The following MAGI2 variants were observed in gnomAD, a reference collection of about 807,000 sequenced individuals.
The protein encoded by MAGI2 is membrane associated guanylate kinase, WW and PDZ domain containing 2.
A neutral mutation model predicts 133.3 loss-of-function variants in MAGI2; 35 were observed. The ratio of observed to expected loss-of-function variants is 0.26; its 90% CI spans 0.20 to 0.35. The LOEUF is 0.35. Among genes scored for constraint, MAGI2 ranks in the 10% least tolerant of loss-of-function variants. The pLI is 1.00. For synonymous variants in MAGI2, 729 were observed against 710.6 expected (o/e 1.03, Z -0.41); for missense variants, 1,636 against 1,863.4 (o/e 0.88, Z 2.25).
rs749492383 is a variant in MAGI2 at position 78,501,763 on chromosome 7, C to G, written c.779G>C (p.Ser260Thr). 1.2e-6 allele frequency: 2 copies of G among 1,613,782 alleles called. No homozygotes were observed. The highest frequency in any genetic ancestry group is 4.5e-5 in the East Asian group (2 of 44,866). Reference protein sequence around the residue: ...TPESSEHEDKSAGASGEMPSQ... With the variant: ...TPESSEHEDKTAGASGEMPSQ... ...GGGCATCTCCCCTGAGGCACCTGCA[C>G]TTTTGTCTTCATGTTCACTGGATTC... is the stretch of plus-strand genomic sequence containing the variant. Residue 260 changes from serine to threonine, a missense_variant, in exon 5 of 22, where the codon AGT (serine) becomes ACT (threonine). This residue lies in a region of MAGI2 where 165 missense variants were observed against 128.4 expected (regional missense o/e 1.28). Transcript: ENST00000354212.
chr7:79,330,174 C>A (rs1452135048), intron 1 of MAGI2, among the ~76,000 whole-genome samples: 1 of 122,034 alleles, frequency 8.2e-6, no homozygotes, highest in Non-Finnish European at 1.6e-5. Flanking sequence ...AACAAACAAT[C>A]TGCATCTTTT....
At chr7:78,478,796 A>G (rs1207276087) in intron 6 of MAGI2, among the ~76,000 whole-genome samples, 2 of 151,948 alleles carry the variant, frequency 1.3e-5, no homozygotes, top group African/African-American at 4.8e-5. Flanking sequence ...CGTATATCTT[A>G]GAGAGCACAC....
chr7:78,120,169 G>T (rs1439407470), intron 20 of MAGI2, among the ~76,000 whole-genome samples: 1 of 152,176 alleles, frequency 6.6e-6, no homozygotes, highest in Non-Finnish European at 1.5e-5. Context: ...TTGGAAGGCC[G>T]AGGTGGGCGG....
At chr7:79,044,858 T>G (rs1562826719) in intron 1 of MAGI2, among the ~76,000 whole-genome samples, 1 of 152,156 alleles carries the variant, frequency 6.6e-6, no homozygotes, top group East Asian at 1.9e-4. Context: ...TTGGAAAAGT[T>G]TGACAGTTTC....
At chr7:79,146,182 C>A (rs1822597929) in intron 1 of MAGI2, among the ~76,000 whole-genome samples, 1 of 152,026 alleles carries the variant, frequency 6.6e-6, no homozygotes, top group Non-Finnish European at 1.5e-5. Flanking sequence ...CCAAGGTATG[C>A]AAAATTGGAC....
At chr7:78,572,115 C>G (rs1030748204) in intron 3 of MAGI2, among the ~76,000 whole-genome samples, 3 of 152,162 alleles carry the variant, frequency 2.0e-5, no homozygotes, top group African/African-American at 7.2e-5. Context: ...GAGGCAATAG[C>G]AAATCATCGA....
intron 1 of MAGI2, among the ~76,000 whole-genome samples, chr7:79,311,511 AT>A (rs1210433897): frequency 4.6e-5 from 7 of 152,052 alleles, no homozygotes; most frequent in Non-Finnish European, 1.0e-4. Flanking sequence ...TCAGAATAGC[AT>A]TCCTCCGTAG....
intron 6 of MAGI2, among the ~76,000 whole-genome samples, chr7:78,389,506 T>C (rs188118117): frequency 6.6e-6 from 1 of 152,212 alleles, no homozygotes; most frequent in Admixed American, 6.5e-5. Flanking sequence ...ACGGAATGAA[T>C]GAGATGATGT....
intron 2 of MAGI2, among the ~76,000 whole-genome samples, chr7:78,655,454 C>CAAAAAAAAAAAAAAAAAAAAACAA (rs1812106185): frequency 1.5e-5 from 1 of 64,950 alleles, no homozygotes; most frequent in Non-Finnish European, 2.8e-5. Context: ...AAAAAACAAC[C>CAAAAAAAAAAAAAAAAAAAAACAA]AAAAAAAAAA....
chr7:79,030,760 T>A (rs1810487878), intron 1 of MAGI2, among the ~76,000 whole-genome samples: 1 of 152,172 alleles, frequency 6.6e-6, no homozygotes. Context: ...AAAACAGAAA[T>A]CCCAGAATTA....
intron 1 of MAGI2, among the ~76,000 whole-genome samples, chr7:79,253,732 G>C (rs753127275): frequency 2.6e-5 from 4 of 152,082 alleles, no homozygotes; most frequent in Non-Finnish European, 2.9e-5. Context: ...AAAATGATAA[G>C]AAGTAAAAAT....
intron 10 of MAGI2, among the ~76,000 whole-genome samples, chr7:78,241,388 TGGTGTATGTC>T (rs1791120796): frequency 1.3e-5 from 2 of 152,188 alleles, no homozygotes; most frequent in African/African-American, 4.8e-5. Flanking sequence ...TATCCCCATT[TGGTGTATGTC>T]TTGTAAAATG....
intron 1 of MAGI2, among the ~76,000 whole-genome samples, chr7:79,443,285 CGTGTGTGTGT>C (rs10600873): frequency 5.0e-5 from 7 of 139,426 alleles, no homozygotes; most frequent in Admixed American, 1.4e-4. Flanking sequence ...TGTGTGTGTG[CGTGTGTGTGT>C]GTGTGTGTGT....
chr7:78,815,106 C>T (rs550133891), intron 2 of MAGI2, among the ~76,000 whole-genome samples: 1 of 152,218 alleles, frequency 6.6e-6, no homozygotes, highest in African/African-American at 2.4e-5. Context: ...TATTCAGTCT[C>T]CCACATTTCC....
Position 78,199,356 on chromosome 7 carries a change from G to A in MAGI2, c.2079+1806C>T, listed in dbSNP as rs73703729. On this transcript the variant is annotated intron_variant, in intron 11 of 21. Coordinates refer to ENST00000354212, the MANE Select transcript of MAGI2 (RefSeq NM_012301.4). ...CTTGGTAAAGGCTCATGAATGGAGGGTCTGCTTCCTGTGGTGATGGTAGTT... is the reference window on the plus strand; with the variant it reads ...CTTGGTAAAGGCTCATGAATGGAGGATCTGCTTCCTGTGGTGATGGTAGTT... 2.2e-3 allele frequency among the ~76,000 whole-genome samples: 334 copies of A among 152,314 alleles called. 3 individuals carry two copies. The highest frequency in any genetic ancestry group is 7.0e-3 in the African/African-American group (292 of 41,566).
intron 2 of MAGI2, among the ~76,000 whole-genome samples, chr7:78,838,229 GT>G (rs1010009136): frequency 5.3e-5 from 8 of 151,974 alleles, no homozygotes; most frequent in African/African-American, 1.9e-4. Context: ...CTTTGTAGAT[GT>G]TTTTTTCATG....
At chr7:78,331,808 C>G (rs538664835) in intron 9 of MAGI2, among the ~76,000 whole-genome samples, 5 of 152,236 alleles carry the variant, frequency 3.3e-5, no homozygotes, top group African/African-American at 1.2e-4. Context: ...GAGTAGAGGC[C>G]CCATCTATAT....
chr7:78,584,987 T>G (rs2150823098), intron 3 of MAGI2, among the ~76,000 whole-genome samples: 1 of 152,314 alleles, frequency 6.6e-6, no homozygotes, highest in Middle Eastern at 3.4e-3. Flanking sequence ...CTGTGCCTGC[T>G]ACTAGGATTT....
chr7:78,087,224 A>G (rs899727281), intron 20 of MAGI2, among the ~76,000 whole-genome samples: 1 of 152,216 alleles, frequency 6.6e-6, no homozygotes, highest in South Asian at 2.1e-4. Context: ...ATAACCACAT[A>G]TATCTGTTCA....
Sources: allele counts gnomAD v4.1 joint callset (sites outside exome capture counted in the v4.1 genomes callset), GRCh38; gene constraint gnomAD v4.1.1; regional missense constraint gnomAD v4.1.1; transcripts MANE v1.5; gene names NCBI Gene and HGNC (gene_info 2026-07-23, HGNC 2026-07-21).